Variants in PEX5L observed in about 807,000 individuals in gnomAD.
PEX5L encodes PEX5-related protein.
A neutral mutation model predicts 84.0 loss-of-function variants in PEX5L; 30 were observed. That is an observed-to-expected ratio of 0.36 (90% CI 0.27 to 0.48). PEX5L has a LOEUF of 0.48. Ranked by LOEUF, PEX5L falls within the 20% of genes least tolerant of loss-of-function variation. The pLI is 0.99. For synonymous variants in PEX5L, 270 were observed against 283.1 expected (o/e 0.95, Z 0.46); for missense variants, 533 against 754.6 (o/e 0.71, Z 3.44).
intron 1 of PEX5L, among the ~76,000 whole-genome samples, chr3:180,018,488 T>C (rs1347187316): frequency 7.9e-5 from 12 of 152,208 alleles, no homozygotes; most frequent in Non-Finnish European, 1.6e-4. Context: ...GACAATGCAG[T>C]TATGAATATA....
At chr3:179,909,209 TA>T (rs1764331418) in intron 2 of PEX5L, among the ~76,000 whole-genome samples, 5 of 152,176 alleles carry the variant, frequency 3.3e-5, no homozygotes, top group Admixed American at 3.3e-4. Flanking sequence ...TGTTGATGGA[TA>T]TTTGAGTTCT....
At chr3:179,876,840 C>A (rs1399622313) in intron 5 of PEX5L, among the ~76,000 whole-genome samples, 1 of 147,320 alleles carries the variant, frequency 6.8e-6, no homozygotes, top group African/African-American at 2.5e-5. Flanking sequence ...GTTGATTATT[C>A]CTTATGCAAA....
rs1486772587 is a variant in PEX5L, at chr3:179,963,310, T to A, written c.93+8284A>T. ...CCTGCATAGGTAGAAACATCAGCAA[T>A]GCCTCCTGCTCATAAATAACTGCCC... On this transcript the variant is annotated intron_variant, in intron 2 of 14. Transcript: ENST00000467460. 2.6e-5 allele frequency among the ~76,000 whole-genome samples: 4 copies of A among 152,206 alleles called. No homozygotes were observed. In the East Asian group the frequency reaches 5.8e-4, roughly 22 times the overall value.
intron 11 of PEX5L, among the ~76,000 whole-genome samples, chr3:179,810,808 A>G (rs1455074251): frequency 6.6e-6 from 1 of 152,184 alleles, no homozygotes; most frequent in African/African-American, 2.4e-5. Flanking sequence ...GATCAATTAA[A>G]TGATCATCTC....
intron 2 of PEX5L, among the ~76,000 whole-genome samples, chr3:179,923,106 G>A (rs1056471063): frequency 4.0e-5 from 6 of 151,062 alleles, no homozygotes; most frequent in South Asian, 2.1e-4. Flanking sequence ...TGGCTAACAC[G>A]GTGAAAACCT....
chr3:180,012,094 T>C (rs1789542269), intron 1 of PEX5L, among the ~76,000 whole-genome samples: 3 of 152,206 alleles, frequency 2.0e-5, no homozygotes, highest in African/African-American at 4.8e-5. Flanking sequence ...TAAAATAACT[T>C]AATCCTTAAA....
chr3:179,933,450 T>TTA (rs1199022009), intron 2 of PEX5L, among the ~76,000 whole-genome samples: 3 of 151,926 alleles, frequency 2.0e-5, no homozygotes, highest in African/African-American at 7.3e-5. Flanking sequence ...ATTCTCTTTT[T>TTA]TTTTTGAGAA....
At chr3:179,807,599 TG>T (rs1191166275) in intron 14 of PEX5L, 74 bp downstream of exon 14, 1 of 1,434,376 alleles carries the variant, frequency 7.0e-7, no homozygotes, top group African/African-American at 1.4e-5. Flanking sequence ...CATTTTTACT[TG>T]GAAACAACCT....
intron 2 of PEX5L, among the ~76,000 whole-genome samples, chr3:179,969,220 C>A (rs1784139408): frequency 6.6e-6 from 1 of 152,132 alleles, no homozygotes. Flanking sequence ...GCACCACTTA[C>A]TGAAAAATCT....
chr3:179,998,153 G>T (rs1422826948), intron 1 of PEX5L, among the ~76,000 whole-genome samples: 1 of 152,170 alleles, frequency 6.6e-6, no homozygotes, highest in African/African-American at 2.4e-5. Flanking sequence ...CAGTGGTGTG[G>T]GGCCTGTCGA....
intron 7 of PEX5L, among the ~76,000 whole-genome samples, chr3:179,872,510 A>G (rs1027810334): frequency 1.3e-5 from 2 of 152,254 alleles, no homozygotes; most frequent in Non-Finnish European, 2.9e-5. Context: ...TTTGGAGACA[A>G]TATAGAAAAT....
At chr3:180,018,133 T>A (rs1790097463) in intron 1 of PEX5L, among the ~76,000 whole-genome samples, 1 of 152,206 alleles carries the variant, frequency 6.6e-6, no homozygotes, top group South Asian at 2.1e-4. Flanking sequence ...CATTAGAACA[T>A]CCTTTCCCAC....
intron 11 of PEX5L, among the ~76,000 whole-genome samples, chr3:179,811,019 C>G (rs560357021): frequency 6.6e-6 from 1 of 152,046 alleles, no homozygotes; most frequent in Non-Finnish European, 1.5e-5. Flanking sequence ...AGGCTCTGAA[C>G]GCAGGGCCAC....
chr3:179,933,158 C>G (rs1246062432), intron 2 of PEX5L, among the ~76,000 whole-genome samples: 2 of 152,180 alleles, frequency 1.3e-5, no homozygotes, highest in Non-Finnish European at 2.9e-5. Context: ...ATGAATGACC[C>G]CTGACTTTGA....
intron 12 of PEX5L, 122 bp downstream of exon 12, chr3:179,809,349 C>G: frequency 1.4e-6 from 1 of 720,100 alleles, no homozygotes; most frequent in Non-Finnish European, 2.4e-6. Context: ...CAGCAGAATA[C>G]TGTCCTGCAA....
At chr3:179,825,092 T>C (rs911088832) in intron 8 of PEX5L, among the ~76,000 whole-genome samples, 5 of 152,192 alleles carry the variant, frequency 3.3e-5, no homozygotes, top group Admixed American at 2.0e-4. Context: ...AGTGGTCTCA[T>C]TGACAAACTG....
intron 2 of PEX5L, among the ~76,000 whole-genome samples, chr3:179,971,102 T>C (rs986775696): frequency 2.0e-5 from 3 of 152,154 alleles, no homozygotes; most frequent in African/African-American, 7.2e-5. Flanking sequence ...CTCTTCTTTT[T>C]GTTTTCAGAA....
chr3:179,899,712 T>C (rs1760665157), intron 2 of PEX5L, among the ~76,000 whole-genome samples: 1 of 152,202 alleles, frequency 6.6e-6, no homozygotes, highest in South Asian at 2.1e-4. Flanking sequence ...TAAATGTGTG[T>C]ATCTGTTTAC....
intron 8 of PEX5L, among the ~76,000 whole-genome samples, chr3:179,824,630 C>T (rs1025857272): frequency 3.3e-5 from 5 of 149,372 alleles, no homozygotes; most frequent in East Asian, 4.0e-4. Context: ...CACTTGAACC[C>T]GGCAGGCGGA....
Sources: allele counts gnomAD v4.1 joint callset (sites outside exome capture counted in the v4.1 genomes callset), GRCh38; gene constraint gnomAD v4.1.1; transcripts MANE v1.5; gene names NCBI Gene and HGNC (gene_info 2026-07-23, HGNC 2026-07-21).